SUFU: variants seen among roughly 807,000 people sequenced by gnomAD.
SUFU encodes SUFU negative regulator of hedgehog signaling, also known as suppressor of fused homolog.
Under a neutral mutation model 58.9 loss-of-function variants are expected in SUFU, and 7 were observed. The ratio of observed to expected loss-of-function variants is 0.12; its 90% CI spans 0.07 to 0.22. The LOEUF is 0.22. SUFU is among the 10% of genes least tolerant of loss of function. The pLI is 1.00. For missense variants in SUFU, 451 were observed against 641.3 expected, an observed-to-expected ratio of 0.70 and a Z score of 3.20; for synonymous variants, 232 against 254.8, an observed-to-expected ratio of 0.91 and a Z score of 0.85.
chr10:102,566,775 A>G (rs2063094655), intron 3 of SUFU, among the ~76,000 whole-genome samples: 1 of 148,202 alleles, frequency 6.7e-6, no homozygotes, highest in Admixed American at 6.7e-5. Flanking sequence ...AAAAAAAAAA[A>G]AAAAAAAAAG....
intron 2 of SUFU, among the ~76,000 whole-genome samples, chr10:102,538,229 TTGTAA>T (rs1245457605): frequency 6.6e-6 from 1 of 152,214 alleles, no homozygotes; most frequent in African/African-American, 2.4e-5. Context: ...TTTTAGTGAC[TTGTAA>T]TGTCCTACCA....
At chr10:102,518,549 T>TATCTATCTATCTATCTATCTATC (rs35214493) in intron 2 of SUFU, among the ~76,000 whole-genome samples, 32 of 80,288 alleles carry the variant, frequency 4.0e-4, no homozygotes, top group East Asian at 1.2e-3. Context: ...ATCTATCTAT[T>TATCTATCTATCTATCTATCTATC]TATTTATTTA....
intron 3 of SUFU, among the ~76,000 whole-genome samples, chr10:102,561,921 G>A (rs1035396821): frequency 6.6e-6 from 1 of 151,974 alleles, no homozygotes; most frequent in Non-Finnish European, 1.5e-5. Flanking sequence ...TGCCCATGTT[G>A]GCCTCCCAAA....
intron 2 of SUFU, among the ~76,000 whole-genome samples, chr10:102,543,112 C>T (rs144122156): frequency 7.9e-5 from 12 of 152,288 alleles, no homozygotes; most frequent in East Asian, 5.8e-4. Flanking sequence ...TAAACCTATA[C>T]GTAGTTTTAT....
intron 2 of SUFU, among the ~76,000 whole-genome samples, chr10:102,532,130 TTTA>T (rs1173850257): frequency 4.0e-5 from 6 of 151,892 alleles, no homozygotes; most frequent in African/African-American, 9.7e-5. Flanking sequence ...GCTCAGCTAT[TTTA>T]TTATTATTAT....
At chr10:102,560,898 C>T (rs777023414) in intron 3 of SUFU, among the ~76,000 whole-genome samples, 2 of 151,734 alleles carry the variant, frequency 1.3e-5, no homozygotes, top group Non-Finnish European at 2.9e-5. Flanking sequence ...AGTGCAATGG[C>T]GCGATCTCGG....
At chr10:102,602,789 G>T (rs948432688) in intron 8 of SUFU, among the ~76,000 whole-genome samples, 3 of 152,180 alleles carry the variant, frequency 2.0e-5, no homozygotes, top group Non-Finnish European at 2.9e-5. Context: ...TTCCCGGAAG[G>T]AGAGTCCTTG....
chr10:102,589,442 C>CTTTT (rs747625757), intron 3 of SUFU, among the ~76,000 whole-genome samples: 18,037 of 62,800 alleles, frequency 0.29, 5,070 homozygotes, highest in Admixed American at 0.34. Flanking sequence ...TTCTTTCTTT[C>CTTTT]TTTTTTTTTT....
At position 102,617,977 on chromosome 10, in the gene SUFU, G is replaced by A. The variant is rs998368626; in HGVS notation, c.1296+549G>A. The A allele has an allele frequency of 9.1e-5, 16 of 175,264 alleles. No individual in the cohort carries two copies. The highest frequency in any genetic ancestry group is 4.7e-5 in the African/African-American group (2 of 42,122). 10.9% of individuals were successfully genotyped at this position (175,264 alleles called of 1,614,324 possible). A position where few individuals can be genotyped will look rare whatever the true frequency, so the allele number is the denominator to read the frequency against. ...TGACCAGAGACCTGCTGGCTTATCC[G>A]GAGCACTTTGTCCTTCCTTTGCTCT... is the stretch of plus-strand genomic sequence containing the variant. On this transcript the variant is annotated intron_variant, in intron 10 of 11. Coordinates refer to ENST00000369902, the MANE Select transcript of SUFU (RefSeq NM_016169.4). This position sits in a 1 kb window ranked among gnomAD's most constrained non-coding sequence, Gnocchi z 4.4.
At chr10:102,534,204 G>A (rs546337461) in intron 2 of SUFU, among the ~76,000 whole-genome samples, 116 of 152,244 alleles carry the variant, frequency 7.6e-4, no homozygotes, top group African/African-American at 2.7e-3. Context: ...TGAGGCGGGT[G>A]GATCACTAGG....
At chr10:102,560,709 T>C (rs1192490243) in intron 3 of SUFU, among the ~76,000 whole-genome samples, 2 of 152,260 alleles carry the variant, frequency 1.3e-5, no homozygotes, top group African/African-American at 4.8e-5. Flanking sequence ...TTTTAATACC[T>C]ACATATACTG....
intron 8 of SUFU, among the ~76,000 whole-genome samples, chr10:102,611,066 C>T (rs972578144): frequency 1.3e-5 from 2 of 152,206 alleles, no homozygotes; most frequent in Non-Finnish European, 2.9e-5. Flanking sequence ...TTTATTGCCA[C>T]ACACGACACT....
At chr10:102,598,704 G>A (rs1001131792) in intron 7 of SUFU, among the ~76,000 whole-genome samples, 5 of 152,134 alleles carry the variant, frequency 3.3e-5, no homozygotes, top group Non-Finnish European at 7.3e-5. Context: ...CCCACTCTAA[G>A]GCCACTCTTT....
chr10:102,504,688 G>A (rs1044066471), intron 1 of SUFU, among the ~76,000 whole-genome samples: 2 of 151,230 alleles, frequency 1.3e-5, no homozygotes, highest in African/African-American at 4.9e-5. Flanking sequence ...CCAAGCGGGG[G>A]CGGCCGAAGT....
intron 2 of SUFU, among the ~76,000 whole-genome samples, chr10:102,543,681 T>C (rs560918208): frequency 2.4e-4 from 37 of 152,358 alleles, no homozygotes; most frequent in African/African-American, 8.9e-4. Flanking sequence ...ATTTATATTA[T>C]ATATTACGAA....
chr10:102,519,002 G>A (rs113902736), intron 2 of SUFU, among the ~76,000 whole-genome samples: 7,866 of 151,714 alleles, frequency 0.052, 675 homozygotes, highest in African/African-American at 0.18. Context: ...TTAGCCAGGC[G>A]TGGTGGCAGG....
rs78802230 is a variant in SUFU at position 102,555,458 on chromosome 10, G to A, written c.454+5352G>A. ...TTTGGAGGCATTATCTTACTCACAC[G>A]GAAAATCAGTAATATTGATACAAAT... On this transcript the variant is annotated intron_variant, in intron 3 of 11. Transcript: ENST00000369902. Among the ~76,000 whole-genome samples, 1,300 of 151,670 alleles carry A rather than the reference G, an allele frequency of 8.6e-3. 63 individuals are homozygous for A. Among genetic ancestry groups the A allele is most frequent in the Admixed American group, 0.074 (1,118 of 15,208 alleles).
chr10:102,630,245 A>G lies in SUFU; in HGVS notation c.*90A>G. On this transcript the variant is annotated 3_prime_UTR_variant, in exon 12 of 12. Coordinates refer to ENST00000369902, the MANE Select transcript of SUFU (RefSeq NM_016169.4). ...CAGTTGTGTCAACGAGATCTCCACA[A>G]ATAAAAGGACAAGTGTGAGGAAGAC... 1.2e-5 allele frequency: 14 copies of G among 1,156,918 alleles called. No homozygotes were observed. Among genetic ancestry groups the G allele is most frequent in the Non-Finnish European group, 1.8e-5 (14 of 775,148 alleles). The allele number at this position is 1,156,918 out of a possible 1,614,324, so 71.7% of individuals were successfully genotyped here.
At chr10:102,508,919 T>A (rs756346953) in intron 1 of SUFU, among the ~76,000 whole-genome samples, 130 of 152,136 alleles carry the variant, frequency 8.5e-4, no homozygotes, top group Non-Finnish European at 1.4e-3. Context: ...AACCATCCAG[T>A]CTGTTTTATT....
Sources: allele counts gnomAD v4.1 joint callset (sites outside exome capture counted in the v4.1 genomes callset), GRCh38; gene constraint gnomAD v4.1.1; non-coding constraint Gnocchi (gnomAD v3.1); transcripts MANE v1.5; gene names NCBI Gene and HGNC (gene_info 2026-07-23, HGNC 2026-07-21).